Variants in ZFHX3 observed in about 807,000 individuals in gnomAD.
The protein encoded by ZFHX3 is zinc finger homeobox protein 3.
ZFHX3 carries 42 observed loss-of-function variants against 279.1 expected under a neutral mutation model. That is an observed-to-expected ratio of 0.15 (90% CI 0.12 to 0.19). The LOEUF is 0.19. Ranked by LOEUF, ZFHX3 falls within the 10% of genes least tolerant of loss-of-function variation. The pLI, the probability that ZFHX3 is intolerant of heterozygous loss-of-function variation, is 1.00. For missense variants in ZFHX3, 4,981 were observed against 4,754.0 expected (o/e 1.05, Z -1.40); for synonymous variants, 2,293 against 1,957.8 (o/e 1.17, Z -4.52).
At chr16:73,455,720 T>A (rs899200185) in intron 3 of ZFHX3, among the ~76,000 whole-genome samples, 14 of 122,882 alleles carry the variant, frequency 1.1e-4, no homozygotes, top group Non-Finnish European at 2.2e-4. Flanking sequence ...TTCCTTTTTT[T>A]AAAATATTGC....
intron 1 of ZFHX3, among the ~76,000 whole-genome samples, chr16:73,724,512 G>C (rs78645988): frequency 0.023 from 3,468 of 152,216 alleles, 125 homozygotes; most frequent in African/African-American, 0.079. Context: ...GGCCACAGTG[G>C]GCTGTCTGGC....
At chr16:73,053,919 T>C (rs1332978779) in intron 1 of ZFHX3, among the ~76,000 whole-genome samples, 2 of 152,084 alleles carry the variant, frequency 1.3e-5, no homozygotes, top group Non-Finnish European at 2.9e-5. Context: ...AAACCTTTTG[T>C]GTACACAAGA....
intron 4 of ZFHX3, among the ~76,000 whole-genome samples, chr16:72,847,636 C>T (rs2037512444): frequency 6.6e-6 from 1 of 152,004 alleles, no homozygotes; most frequent in Admixed American, 6.6e-5. Flanking sequence ...GGAGGGGTGG[C>T]AGGTAAAGGG....
At chr16:73,456,819 A>G (rs1480803674) in intron 2 of ZFHX3, among the ~76,000 whole-genome samples, 2 of 152,242 alleles carry the variant, frequency 1.3e-5, no homozygotes, top group Non-Finnish European at 2.9e-5. Flanking sequence ...CTAAGCATCA[A>G]CTACTGAAAA....
chr16:72,796,439 T>G lies in ZFHX3; in HGVS notation c.6243A>C (p.Pro2081=), dbSNP rs2143432384. 1 of 1,607,682 alleles carries G rather than the reference T, an allele frequency of 6.2e-7. No homozygotes were observed. Among genetic ancestry groups the G allele is most frequent in the Non-Finnish European group, 8.5e-7 (1 of 1,179,002 alleles). ...ITSPTIAPAQ[P]SVPLTQLSMP... is the part of the protein sequence containing the mutation. ...TGGAGAGCTGGGTGAGCGGCACTGA[T>G]GGCTGGGCCGGTGCAATTGTAGGTG... The change falls in exon 9 of 10, where the codon CCA becomes CCC. Residue 2081 remains proline (P), a synonymous_variant. Coordinates refer to ENST00000268489, the MANE Select transcript of ZFHX3 (RefSeq NM_006885.4).
chr16:72,849,757 G>T (rs1210719147), intron 4 of ZFHX3, among the ~76,000 whole-genome samples: 2 of 151,410 alleles, frequency 1.3e-5, no homozygotes, highest in Non-Finnish European at 2.9e-5. Flanking sequence ...TTCCCTGGTT[G>T]TTCGAGAGTA....
chr16:73,262,902 C>T (rs949832236), intron 4 of ZFHX3, among the ~76,000 whole-genome samples: 1 of 152,106 alleles, frequency 6.6e-6, no homozygotes, highest in Non-Finnish European at 1.5e-5. Flanking sequence ...GAAGCCCTCC[C>T]ATGCCAATCA....
intron 3 of ZFHX3, among the ~76,000 whole-genome samples, chr16:73,451,463 A>C (rs1443449642): frequency 6.6e-6 from 1 of 152,206 alleles, no homozygotes; most frequent in Non-Finnish European, 1.5e-5. Flanking sequence ...ATCTGAAGGC[A>C]TCTAGTCAAC....
intron 1 of ZFHX3, among the ~76,000 whole-genome samples, chr16:72,979,955 A>G (rs901477959): frequency 1.3e-5 from 2 of 152,242 alleles, no homozygotes; most frequent in African/African-American, 4.8e-5. Flanking sequence ...GGTCAGGATT[A>G]TTTAGCTCCA....
At chr16:73,804,584 C>A (rs1461906178) in intron 1 of ZFHX3, among the ~76,000 whole-genome samples, 1 of 152,116 alleles carries the variant, frequency 6.6e-6, no homozygotes, top group Admixed American at 6.5e-5. Context: ...AGCTTAGTAT[C>A]TGGAAACTCA....
intron 4 of ZFHX3, among the ~76,000 whole-genome samples, chr16:73,309,804 C>T (rs556658688): frequency 6.6e-6 from 1 of 152,138 alleles, no homozygotes; most frequent in Non-Finnish European, 1.5e-5. Flanking sequence ...CCTCAGTATC[C>T]TCAAGTAGTC....
At chr16:73,300,162 AGGCTTGAGCCCAGAT>A (rs2015018295) in intron 4 of ZFHX3, among the ~76,000 whole-genome samples, 2 of 150,380 alleles carry the variant, frequency 1.3e-5, no homozygotes, top group Non-Finnish European at 3.0e-5. Context: ...CAGGAGACTG[AGGCTTGAGCCCAGAT>A]GGCTTGAGCC....
At chr16:73,271,641 T>C (rs2014148318) in intron 4 of ZFHX3, among the ~76,000 whole-genome samples, 1 of 152,224 alleles carries the variant, frequency 6.6e-6, no homozygotes, top group Non-Finnish European at 1.5e-5. Flanking sequence ...GCTGTATAGC[T>C]TTCAAATGAA....
At chr16:73,567,067 T>C (rs1051153146) in intron 2 of ZFHX3, among the ~76,000 whole-genome samples, 1 of 152,108 alleles carries the variant, frequency 6.6e-6, no homozygotes, top group Non-Finnish European at 1.5e-5. Flanking sequence ...CAGGCTGTTG[T>C]CAAACTTCTG....
At chr16:73,828,472 ATTAG>A (rs1960914124) in intron 1 of ZFHX3, among the ~76,000 whole-genome samples, 1 of 80,520 alleles carries the variant, frequency 1.2e-5, no homozygotes, top group Non-Finnish European at 2.4e-5. Flanking sequence ...GATTTTGCTC[ATTAG>A]TTGATGCAGT....
chr16:73,390,092 A>G (rs2016982111), intron 3 of ZFHX3, among the ~76,000 whole-genome samples: 1 of 152,104 alleles, frequency 6.6e-6, no homozygotes, highest in African/African-American at 2.4e-5. Context: ...AAAATAAAGC[A>G]TCAAGTATCT....
chr16:72,904,944 G>C (rs537193394), intron 3 of ZFHX3, among the ~76,000 whole-genome samples: 1 of 152,280 alleles, frequency 6.6e-6, no homozygotes, highest in African/African-American at 2.4e-5. Flanking sequence ...TGACTCTCCT[G>C]CCTCAGCCTC....
At chr16:73,562,910 G>T (rs2020392440) in intron 2 of ZFHX3, among the ~76,000 whole-genome samples, 1 of 152,098 alleles carries the variant, frequency 6.6e-6, no homozygotes, top group Non-Finnish European at 1.5e-5. Context: ...CCCTAGCAAG[G>T]CTACTGCGCC....
intron 4 of ZFHX3, among the ~76,000 whole-genome samples, chr16:73,315,043 C>T (rs1374011119): frequency 6.6e-6 from 1 of 152,042 alleles, no homozygotes; most frequent in Non-Finnish European, 1.5e-5. Context: ...GACTGGCCAA[C>T]GTAGTGAAAC....
Sources: allele counts gnomAD v4.1 joint callset (sites outside exome capture counted in the v4.1 genomes callset), GRCh38; gene constraint gnomAD v4.1.1; transcripts MANE v1.5; gene names NCBI Gene and HGNC (gene_info 2026-07-23, HGNC 2026-07-21).